The following CST7 variants were observed in gnomAD, a reference collection of about 807,000 sequenced individuals.
CST7 encodes the protein cystatin F, also known as cystatin-F.
In CST7, 15 loss-of-function variants were observed where a neutral mutation model predicts 13.1. The observed-to-expected ratio is 1.14, with a 90% CI of 0.77 to 1.76. The LOEUF is 1.76. Among genes scored for constraint, CST7 ranks in the 40% most tolerant of loss-of-function variants. CST7 has a pLI of 0.00. For missense variants in CST7, 193 were observed against 178.8 expected, an observed-to-expected ratio of 1.08 and a Z score of -0.45; for synonymous variants, 75 against 66.9, an observed-to-expected ratio of 1.12 and a Z score of -0.59.
intron 1 of CST7, among the ~76,000 whole-genome samples, chr20:24,951,188 G>A (rs956489425): frequency 6.6e-6 from 1 of 152,184 alleles, no homozygotes; most frequent in African/African-American, 2.4e-5. Flanking sequence ...AGAAGCTCCA[G>A]AGCCCACGTT....
At chr20:24,958,738 C>T (rs1214472864) in intron 2 of CST7, among the ~76,000 whole-genome samples, 190 bp from the exon 3 acceptor site, 6 of 152,164 alleles carry the variant, frequency 3.9e-5, no homozygotes, top group Admixed American at 1.3e-4. Context: ...AAACCCAGCA[C>T]GGGGCAGGGA....
Position 24,959,672 on chromosome 20 carries a change from G to A in CST7, c.398G>A (p.Trp133Ter). Residue 133 changes from tryptophan (W) to a stop codon, truncating the protein, a stop_gained, in exon 4 of 4, where the codon TGG (tryptophan) becomes TAG (stop). Coordinates refer to ENST00000480798, the MANE Select transcript of CST7 (RefSeq NM_003650.4). LOFTEE classifies it high-confidence loss of function. The part of the protein sequence containing the change: ...SCYSEVWVVP[W>*]LQHFEVPVLR... Reference sequence around the variant, plus strand: ...TACTCTGAAGTCTGGGTCGTGCCCTGGCTCCAGCACTTCGAGGTGCCTGTT... The same window carrying A: ...TACTCTGAAGTCTGGGTCGTGCCCTAGCTCCAGCACTTCGAGGTGCCTGTT... 6.2e-7 allele frequency: 1 copy of A among 1,614,122 alleles called. No homozygotes were observed. Among genetic ancestry groups the A allele is most frequent in the East Asian group, 2.2e-5 (1 of 44,862 alleles).
chr20:24,956,146 C>T (rs1417633477), intron 1 of CST7, among the ~76,000 whole-genome samples: 1 of 152,330 alleles, frequency 6.6e-6, no homozygotes, highest in East Asian at 1.9e-4. Flanking sequence ...CACCACCCAG[C>T]CTGGGGGTGC....
Position 24,952,866 on chromosome 20 carries a change from A to C in CST7, c.70+3291A>C, listed in dbSNP as rs181338665. Among the ~76,000 whole-genome samples the C allele has an allele frequency of 6.1e-3, 930 of 152,270 alleles. 15 individuals carry two copies. The highest frequency in any genetic ancestry group is 0.022 in the African/African-American group (906 of 41,562). ...CTAGAACACTCCTGAAAGAGGGAGG[A>C]GGTGGGCAATGCCAGCCCCCGCTGT... On this transcript the variant is annotated intron_variant, in intron 1 of 3. Coordinates refer to ENST00000480798, the MANE Select transcript of CST7 (RefSeq NM_003650.4).
intron 1 of CST7, 100 bp from the exon 2 acceptor site, chr20:24,957,187 G>A (rs969910245): frequency 4.9e-5 from 63 of 1,277,578 alleles, no homozygotes; most frequent in Middle Eastern, 2.1e-4. Flanking sequence ...GGACACACAC[G>A]CCAGCAGAGA....
At position 24,955,465 on chromosome 20, in the gene CST7, T is replaced by C. The variant is rs925239995; in HGVS notation, c.71-1822T>C. 1.1e-4 allele frequency among the ~76,000 whole-genome samples: 16 copies of C among 147,040 alleles called. No homozygotes were observed. In the East Asian group the frequency reaches 1.6e-3, roughly 14 times the overall value. On this transcript the variant is annotated intron_variant, in intron 1 of 3. Transcript: ENST00000480798. ...TAAAGTCTTTTTTTTTTTTTTTTTT[T>C]CTGAGACGGAGTCTCGCTCTGTTGC...
At position 24,952,203 on chromosome 20, in the gene CST7, T is replaced by G. The variant is rs79579800; in HGVS notation, c.70+2628T>G. On this transcript the variant is annotated intron_variant, in intron 1 of 3. Coordinates refer to ENST00000480798, the MANE Select transcript of CST7 (RefSeq NM_003650.4). ...TTGCACATCATTTATTGACAAGTGC[T>G]TCGTGTATGTTGCCTCATATATTCT... 8.7e-4 allele frequency among the ~76,000 whole-genome samples: 133 copies of G among 152,356 alleles called. 2 individuals carry two copies. In the East Asian group the frequency reaches 0.024, roughly 28 times the overall value.
intron 3 of CST7, among the ~76,000 whole-genome samples, chr20:24,959,295 G>T (rs2087880349): frequency 1.3e-5 from 2 of 151,222 alleles, no homozygotes; most frequent in South Asian, 4.2e-4. Flanking sequence ...GAGCGTCCTG[G>T]GGTGCGAGTG....
At chr20:24,955,884 T>C (rs576748069) in intron 1 of CST7, among the ~76,000 whole-genome samples, 5 of 152,276 alleles carry the variant, frequency 3.3e-5, no homozygotes, top group Admixed American at 3.3e-4. Flanking sequence ...GCATTCTCTA[T>C]GGGGTGGGGC....
At chr20:24,950,235 G>C (rs1186201980) in intron 1 of CST7, among the ~76,000 whole-genome samples, 1 of 152,198 alleles carries the variant, frequency 6.6e-6, no homozygotes, top group African/African-American at 2.4e-5. Flanking sequence ...ATGGGGACTT[G>C]GGAGGCCCCC....
intron 2 of CST7, among the ~76,000 whole-genome samples, chr20:24,957,946 C>CT (rs2087870261): frequency 6.6e-6 from 1 of 152,204 alleles, no homozygotes; most frequent in Non-Finnish European, 1.5e-5. Context: ...TGCCCTTTCC[C>CT]TGACTCATTC....
Position 24,956,292 on chromosome 20 carries a change from G to A in CST7, c.71-995G>A, listed in dbSNP as rs190034444. Among the ~76,000 whole-genome samples, 570 of 152,236 alleles carry A rather than the reference G, an allele frequency of 3.7e-3. 4 individuals are homozygous for A. The highest frequency in any genetic ancestry group is 0.013 in the African/African-American group (550 of 41,528). On this transcript the variant is annotated intron_variant, in intron 1 of 3. Transcript: ENST00000480798. ...GGGAATGGCCTCCTCTGGGGCCCTC[G>A]CTCTGAGTTGACACTGACGTCCTGG...
At chr20:24,956,721 G>GTC (rs1172303689) in intron 1 of CST7, among the ~76,000 whole-genome samples, 7 of 151,954 alleles carry the variant, frequency 4.6e-5, no homozygotes, top group Admixed American at 4.6e-4. Flanking sequence ...CGGGCAAAAG[G>GTC]TCTTGAGACG....
At chr20:24,958,151 A>G (rs2087871634) in intron 2 of CST7, among the ~76,000 whole-genome samples, 2 of 152,100 alleles carry the variant, frequency 1.3e-5, no homozygotes, top group African/African-American at 4.8e-5. Flanking sequence ...GGGAGGGGTG[A>G]TTTTTATAAC....
At chr20:24,953,617 T>C (rs1310111040) in intron 1 of CST7, among the ~76,000 whole-genome samples, 2 of 152,074 alleles carry the variant, frequency 1.3e-5, no homozygotes, top group Admixed American at 6.5e-5. Flanking sequence ...TGCCCGCCCC[T>C]GCCTCACCTC....
At chr20:24,959,541 G>A (rs922388306) in intron 3 of CST7, 94 bp from the exon 4 acceptor site, 66 of 1,151,258 alleles carry the variant, frequency 5.7e-5, no homozygotes, top group South Asian at 4.5e-4. Context: ...ATAGGGGCAG[G>A]AGAAGAGCTC....
chr20:24,949,620 G>A (rs1163808575), intron 1 of CST7, 45 bp downstream of exon 1: 7 of 1,610,124 alleles, frequency 4.3e-6, no homozygotes, highest in Non-Finnish European at 5.9e-6. Context: ...GTCTCTCCCT[G>A]AGATTGGCCA....
At position 24,953,036 on chromosome 20, in the gene CST7, GC is replaced by G. The variant is rs551839996; in HGVS notation, c.70+3464del. Among the ~76,000 whole-genome samples, 12 of 152,330 alleles carry G rather than the reference GC, an allele frequency of 7.9e-5. No homozygotes were observed. The South Asian group carries it at 2.5e-3, about 32-fold the overall frequency. On this transcript the variant is annotated intron_variant, in intron 1 of 3. Transcript: ENST00000480798. ...TGCTCTGAGGACAGGAACGTACCCTGCCCAGGGCATGCCCAGCAGCTGTCAG... is the reference window on the plus strand; with the variant it reads ...TGCTCTGAGGACAGGAACGTACCCTGCCAGGGCATGCCCAGCAGCTGTCAG...
intron 1 of CST7, among the ~76,000 whole-genome samples, chr20:24,952,049 C>T (rs1321873643): frequency 2.0e-5 from 3 of 152,220 alleles, no homozygotes; most frequent in Admixed American, 2.0e-4. Context: ...CTGGGGAGCA[C>T]TGGGAGCTGC....
Sources: allele counts gnomAD v4.1 joint callset (sites outside exome capture counted in the v4.1 genomes callset), GRCh38; gene constraint gnomAD v4.1.1; transcripts MANE v1.5; gene names NCBI Gene and HGNC (gene_info 2026-07-23, HGNC 2026-07-21).